Variants in TPTE2 observed in about 807,000 individuals in gnomAD.
TPTE2 encodes the protein phosphatidylinositol 3,4,5-trisphosphate 3-phosphatase TPTE2.
In TPTE2, 53 loss-of-function variants were observed where a neutral mutation model predicts 78.6. That is an observed-to-expected ratio of 0.67 (90% CI 0.54 to 0.85). TPTE2 has a LOEUF of 0.85. Ranked by LOEUF, TPTE2 falls within the 40% of genes least tolerant of loss-of-function variation. TPTE2 has a pLI of 0.00. For synonymous variants in TPTE2, 175 were observed against 206.2 expected (o/e 0.85, Z 1.30); for missense variants, 461 against 623.0 (o/e 0.74, Z 2.77).
the TPTE2 span, chr13:19,552,777 T>A: frequency 2.8e-5 from 10 of 351,702 alleles, no homozygotes; most frequent in Non-Finnish European, 4.9e-5. Flanking sequence ...TAAAAAGTTA[T>A]AACCAATCCT....
upstream of TPTE2, among the ~76,000 whole-genome samples, chr13:19,505,142 C>G (rs1466032730): frequency 6.6e-6 from 1 of 152,056 alleles, no homozygotes; most frequent in African/African-American, 2.4e-5. Flanking sequence ...CTAATTCAAA[C>G]TAGATGTATC....
the TPTE2 span, among the ~76,000 whole-genome samples, chr13:19,546,405 G>GA: frequency 2.7e-5 from 4 of 149,584 alleles, no homozygotes; most frequent in East Asian, 2.0e-4. Flanking sequence ...AACACTTTGG[G>GA]AAAAAAATAT....
intron 4 of TPTE2, among the ~76,000 whole-genome samples, chr13:19,481,822 C>CTA (rs1314828254): frequency 6.6e-6 from 1 of 152,092 alleles, no homozygotes; most frequent in Non-Finnish European, 1.5e-5. Flanking sequence ...AGTTAACTTC[C>CTA]TCTATGGCAG....
chr13:19,485,422 T>A (rs1051023051), intron 3 of TPTE2, among the ~76,000 whole-genome samples: 22 of 152,090 alleles, frequency 1.4e-4, no homozygotes, highest in African/African-American at 5.1e-4. Flanking sequence ...AAATCAGCTG[T>A]TAGTCTAATG....
chr13:19,517,957 G>T (rs1869908353), intron 1 of TPTE2, among the ~76,000 whole-genome samples: 1 of 152,126 alleles, frequency 6.6e-6, no homozygotes, highest in Admixed American at 6.5e-5. Flanking sequence ...AAATGGAGGG[G>T]ATTCTTCTTA....
intron 1 of TPTE2, among the ~76,000 whole-genome samples, chr13:19,531,842 G>A (rs1433862489): frequency 2.0e-5 from 3 of 152,072 alleles, no homozygotes; most frequent in Non-Finnish European, 4.4e-5. Context: ...CAGAAGAATT[G>A]CTTGAACCTG....
chr13:19,533,203 A>AT, intron 1 of TPTE2, among the ~76,000 whole-genome samples: 1 of 152,348 alleles, frequency 6.6e-6, no homozygotes, highest in Admixed American at 6.5e-5. Context: ...AAACTCATTA[A>AT]GAGTGTCCAC....
At chr13:19,511,322 A>T (rs1869424332) in intron 1 of TPTE2, among the ~76,000 whole-genome samples, 1 of 152,252 alleles carries the variant, frequency 6.6e-6, no homozygotes, top group South Asian at 2.1e-4. Flanking sequence ...AAAAACTAAC[A>T]AAATGAGATA....
At chr13:19,470,987 G>T (rs1879578717) in intron 6 of TPTE2, among the ~76,000 whole-genome samples, 2 of 151,246 alleles carry the variant, frequency 1.3e-5, no homozygotes, top group African/African-American at 4.9e-5. Context: ...TCAGCTCACT[G>T]CAACCTCTGC....
At chr13:19,483,485 T>C (rs756538983) in intron 3 of TPTE2, among the ~76,000 whole-genome samples, 33 of 152,152 alleles carry the variant, frequency 2.2e-4, no homozygotes, top group Non-Finnish European at 4.0e-4. Context: ...TTCTGTCATA[T>C]CTGTCATGAG....
chr13:19,552,272 C>T, the TPTE2 span, among the ~76,000 whole-genome samples: 3 of 152,140 alleles, frequency 2.0e-5, no homozygotes, highest in African/African-American at 7.2e-5. Context: ...CAAGTAATAA[C>T]CTGTTGAGCG....
chr13:19,482,663 C>T (rs986006866), intron 3 of TPTE2, 116 bp from the exon 7 acceptor site: 5 of 1,303,592 alleles, frequency 3.8e-6, no homozygotes, highest in Admixed American at 2.5e-5. Context: ...ATATAGTAAA[C>T]ATGACTTAGC....
rs1381121587 is a variant in TPTE2 at position 19,535,954 on chromosome 13, T to C, written c.-44+642A>G. Among the ~76,000 whole-genome samples, 1 of 152,166 alleles carries C rather than the reference T, an allele frequency of 6.6e-6. No individual in the cohort carries two copies. Among genetic ancestry groups the C allele is most frequent in the African/African-American group, 2.4e-5 (1 of 41,444 alleles). ...CCCAGCCTACCTCCAGGATTTTTAA[T>C]TTCTTGGCAGGGATAATATGACATC... is the stretch of plus-strand genomic sequence containing the variant. On this transcript the variant is annotated intron_variant, in intron 1 of 17. Coordinates refer to the TPTE2 transcript ENST00000390680. The surrounding 1 kb of genome is among the most constrained non-coding windows in gnomAD (Gnocchi z 5.1).
chr13:19,477,839 G>A (rs1880068574), intron 4 of TPTE2, among the ~76,000 whole-genome samples: 2 of 152,124 alleles, frequency 1.3e-5, no homozygotes, highest in Non-Finnish European at 2.9e-5. Flanking sequence ...GAGTTTGCAG[G>A]GAAATAACTA....
chr13:19,526,971 G>GA (rs1870544180), intron 1 of TPTE2, among the ~76,000 whole-genome samples: 1 of 152,056 alleles, frequency 6.6e-6, no homozygotes, highest in African/African-American at 2.4e-5. Context: ...ATGTCAGATG[G>GA]ATCCCAGAAG....
intron 19 of TPTE2, among the ~76,000 whole-genome samples, chr13:19,424,537 G>C (rs1281032308): frequency 2.0e-5 from 3 of 152,162 alleles, no homozygotes; most frequent in Non-Finnish European, 4.4e-5. Context: ...GCTAGCTGAA[G>C]CCTCCCTAGG....
chr13:19,467,679 C>T (rs1317252949), intron 6 of TPTE2, among the ~76,000 whole-genome samples: 3 of 152,182 alleles, frequency 2.0e-5, no homozygotes, highest in Non-Finnish European at 4.4e-5. Flanking sequence ...ATTCACGTTA[C>T]AAACAATCCA....
At chr13:19,543,415 G>T in the TPTE2 span, among the ~76,000 whole-genome samples, 1 of 148,694 alleles carries the variant, frequency 6.7e-6, no homozygotes. Flanking sequence ...GCTAGAGTGC[G>T]ATGGGCCATC....
rs1203854217 is a variant in TPTE2, at chr13:19,467,354, A to C, written c.393-10T>G. 2 of 11,526 alleles carry C rather than the reference A, an allele frequency of 1.7e-4. No homozygotes were observed. Among genetic ancestry groups the C allele is most frequent in the Admixed American group, 6.8e-3 (1 of 146 alleles). 0.7% of individuals were successfully genotyped at this position (11,526 alleles called of 1,614,324 possible). ...AAAATACTGCTGTCTCCTGTAATAT[A>C]AAAAAAAAAAAAAAAAAGTTCATTT... On this transcript the variant is annotated splice_polypyrimidine_tract_variant and intron_variant, in intron 6 of 19. Coordinates refer to ENST00000400230, the Ensembl canonical transcript of TPTE2.
Sources: gnomAD v4.1 joint callset for allele counts (sites outside exome capture counted in the v4.1 genomes callset) on GRCh38, gnomAD v4.1.1 for gene constraint, Gnocchi (gnomAD v3.1) non-coding constraint, MANE v1.5 for transcripts, NCBI Gene and HGNC (gene_info 2026-07-23, HGNC 2026-07-21) for gene names.